TOP2B: variants seen among roughly 807,000 people sequenced by gnomAD.
The protein encoded by TOP2B is DNA topoisomerase II beta, also known as DNA topoisomerase 2-beta.
A neutral mutation model predicts 193.5 loss-of-function variants in TOP2B; 51 were observed. The observed-to-expected ratio is 0.26, with a 90% CI of 0.21 to 0.33. TOP2B has a LOEUF of 0.33. Ranked by LOEUF, TOP2B falls within the 10% of genes least tolerant of loss-of-function variation. TOP2B has a pLI of 1.00. For synonymous variants in TOP2B, 634 were observed against 635.7 expected (o/e 1.00, Z 0.04); for missense variants, 1,378 against 1,909.3 (o/e 0.72, Z 5.19).
intron 33 of TOP2B, among the ~76,000 whole-genome samples, chr3:25,603,927 C>G (rs903781734): frequency 6.6e-6 from 1 of 152,156 alleles, no homozygotes; most frequent in Non-Finnish European, 1.5e-5. Flanking sequence ...AGTCCTCAGG[C>G]AACGAAAGGC....
chr3:25,607,516 T>G (rs1356479554), intron 30 of TOP2B, 141 bp from the exon 31 acceptor site: 2 of 1,189,990 alleles, frequency 1.7e-6, no homozygotes, highest in Non-Finnish European at 2.3e-6. Context: ...ATTTACAGAA[T>G]AAAAGCCAAC....
intron 20 of TOP2B, 97 bp downstream of exon 20, chr3:25,624,200 T>A (rs1345405931): frequency 7.3e-7 from 1 of 1,375,534 alleles, no homozygotes; most frequent in Non-Finnish European, 1.0e-6. Context: ...AATAACCAGA[T>A]AATCACATCT....
At chr3:25,632,997 C>A (rs1458598037) in intron 8 of TOP2B, among the ~76,000 whole-genome samples, 2 of 151,900 alleles carry the variant, frequency 1.3e-5, no homozygotes, top group African/African-American at 2.4e-5. Flanking sequence ...TGTTTGCTTT[C>A]CTCACTTCAA....
chr3:25,622,801 C>T (rs1029180614), intron 21 of TOP2B, among the ~76,000 whole-genome samples: 7 of 152,140 alleles, frequency 4.6e-5, no homozygotes, highest in East Asian at 3.9e-4. Flanking sequence ...CCAGCACACC[C>T]GGCTAATTTT....
intron 10 of TOP2B, among the ~76,000 whole-genome samples, chr3:25,631,278 G>A (rs974631692): frequency 2.0e-5 from 3 of 151,872 alleles, no homozygotes; most frequent in African/African-American, 4.8e-5. Flanking sequence ...CCTACTAGCC[G>A]GCAAATTCCA....
Position 25,601,254 on chromosome 3 carries a change from C to T in TOP2B, c.4490-29G>A, listed in dbSNP as rs1476824736. The T allele has an allele frequency of 1.9e-6, 3 of 1,599,728 alleles. No homozygotes were observed. The Admixed American group carries it at 5.2e-5, about 28-fold the overall frequency. Reference sequence around the variant, plus strand: ...GTAAGCAAATTTCCATTTCACAGGTCAATATACTTACCAACAAACCAAACT... The same window carrying T: ...GTAAGCAAATTTCCATTTCACAGGTTAATATACTTACCAACAAACCAAACT... On this transcript the variant is annotated intron_variant, in intron 33 of 35. Coordinates refer to ENST00000264331, the MANE Select transcript of TOP2B (RefSeq NM_001330700.2).
rs79137239 is a variant in TOP2B at position 25,603,458 on chromosome 3, G to T, written c.4489+1302C>A. 1.6e-3 allele frequency among the ~76,000 whole-genome samples: 244 copies of T among 152,196 alleles called. 7 individuals are homozygous for T. The East Asian group carries it at 0.033, about 21-fold the overall frequency. Reference sequence around the variant, plus strand: ...GGGTTTTGCCATGTTGGCCAGGCTGGTCTTAAACTCTTGACCTCAAGCAAT... The same window carrying T: ...GGGTTTTGCCATGTTGGCCAGGCTGTTCTTAAACTCTTGACCTCAAGCAAT... On this transcript the variant is annotated intron_variant, in intron 33 of 35. Coordinates refer to ENST00000264331, the MANE Select transcript of TOP2B (RefSeq NM_001330700.2).
Position 25,606,248 on chromosome 3 carries a change from T to G in TOP2B, c.4299-126A>C, listed in dbSNP as rs1332627580. The G allele has an allele frequency of 1.0e-5, 5 of 489,394 alleles. No individual in the cohort carries two copies. In the Admixed American group the frequency reaches 1.9e-4, roughly 19 times the overall value. The allele number at this position is 489,394 out of a possible 1,614,324, so 30.3% of individuals were successfully genotyped here. On this transcript the variant is annotated intron_variant, in intron 31 of 35. Transcript: ENST00000264331. The stretch of plus-strand genomic sequence containing the variant: ...GAACAAAACTTTAGTTTTCATTTCT[T>G]TCTCTTTCTCTGTTAAAGACAGGGT...
chr3:25,615,697 C>T (rs1702485719), intron 25 of TOP2B, 111 bp from the exon 26 acceptor site: 3 of 937,820 alleles, frequency 3.2e-6, no homozygotes, highest in Non-Finnish European at 4.3e-6. Flanking sequence ...ATAAATGCTA[C>T]ATCTTCAGGA....
At chr3:25,615,640 T>A in intron 25 of TOP2B, 54 bp from the exon 26 acceptor site, 1 of 1,270,884 alleles carries the variant, frequency 7.9e-7, no homozygotes, top group Non-Finnish European at 1.0e-6. Context: ...CAAATTAATG[T>A]TGAATTTTAT....
chr3:25,629,742 C>A (rs1702905680), intron 13 of TOP2B, among the ~76,000 whole-genome samples: 1 of 151,812 alleles, frequency 6.6e-6, no homozygotes, highest in African/African-American at 2.4e-5. Flanking sequence ...TAACCCTTAT[C>A]ATTAATCTTT....
intron 33 of TOP2B, among the ~76,000 whole-genome samples, chr3:25,602,355 C>G (rs1702116818): frequency 7.2e-6 from 1 of 139,418 alleles, no homozygotes; most frequent in African/African-American, 2.8e-5. Flanking sequence ...CAAGATCACG[C>G]TACTCCACTC....
intron 7 of TOP2B, among the ~76,000 whole-genome samples, chr3:25,635,486 T>C (rs994426801): frequency 6.6e-5 from 10 of 152,110 alleles, no homozygotes; most frequent in African/African-American, 1.9e-4. Flanking sequence ...ATGTAGACAA[T>C]ATGCAACTTC....
chr3:25,619,346 CG>C (rs1474683971), intron 23 of TOP2B, among the ~76,000 whole-genome samples: 1 of 151,870 alleles, frequency 6.6e-6, no homozygotes, highest in Non-Finnish European at 1.5e-5. Flanking sequence ...CCTTTCTCAG[CG>C]GATTATGGCA....
chr3:25,658,833 A>C (rs1703826022), intron 1 of TOP2B, among the ~76,000 whole-genome samples: 1 of 152,254 alleles, frequency 6.6e-6, no homozygotes, highest in Non-Finnish European at 1.5e-5. Context: ...CTATACACCA[A>C]GATCATTCTG....
intron 8 of TOP2B, 47 bp downstream of exon 8, chr3:25,633,794 A>G: frequency 6.9e-7 from 1 of 1,442,808 alleles, no homozygotes; most frequent in South Asian, 1.5e-5. Flanking sequence ...TTTTTATTGA[A>G]GTACTGTTCT....
intron 31 of TOP2B, 52 bp downstream of exon 31, chr3:25,607,119 G>C: frequency 1.3e-6 from 2 of 1,585,224 alleles, no homozygotes; most frequent in Non-Finnish European, 1.7e-6. Context: ...AATATCTTTG[G>C]CAAATGTTTA....
At chr3:25,627,768 GA>G (rs1198705997) in intron 15 of TOP2B, among the ~76,000 whole-genome samples, 3 of 151,826 alleles carry the variant, frequency 2.0e-5, no homozygotes, top group African/African-American at 7.3e-5. Context: ...CCTGACTTTG[GA>G]AAAAAACAAA....
rs1161950554 is a variant in TOP2B, at chr3:25,636,202, T to C, written c.640-54A>G. The C allele has an allele frequency of 1.0e-5, 11 of 1,102,874 alleles. No homozygotes were observed. The East Asian group carries it at 2.6e-4, about 26-fold the overall frequency. The allele number at this position is 1,102,874 out of a possible 1,614,324, so 68.3% of individuals were successfully genotyped here. A position where few individuals can be genotyped will look rare whatever the true frequency, so the allele number is the denominator to read the frequency against. ...TATAATGCTTCCATATCTCATAATA[T>C]ATAAAGACTACACTCATTAAATTCA... On this transcript the variant is annotated intron_variant, in intron 6 of 35. Coordinates refer to ENST00000264331, the MANE Select transcript of TOP2B (RefSeq NM_001330700.2).
Sources: gnomAD v4.1 joint callset for allele counts (sites outside exome capture counted in the v4.1 genomes callset) on GRCh38, gnomAD v4.1.1 for gene constraint, MANE v1.5 for transcripts, NCBI Gene and HGNC (gene_info 2026-07-23, HGNC 2026-07-21) for gene names.